ARHGAP42: variants seen among roughly 807,000 people sequenced by gnomAD.
The protein encoded by ARHGAP42 is Rho GTPase activating protein 42.
A neutral mutation model predicts 125.0 loss-of-function variants in ARHGAP42; 63 were observed. That is an observed-to-expected ratio of 0.50 (90% CI 0.41 to 0.62). The LOEUF (loss-of-function observed/expected upper bound fraction) is 0.62, where lower values mean the gene tolerates loss of function less well. ARHGAP42 is among the 20% of genes least tolerant of loss of function. The pLI is 0.00. For missense variants in ARHGAP42, 766 were observed against 1,024.2 expected (o/e 0.75, Z 3.44); for synonymous variants, 339 against 351.0 (o/e 0.97, Z 0.38).
chr11:100,985,110 A>G (rs1357816329), intron 22 of ARHGAP42, among the ~76,000 whole-genome samples: 1 of 152,140 alleles, frequency 6.6e-6, no homozygotes, highest in Non-Finnish European at 1.5e-5. Flanking sequence ...CCCTCCCTCA[A>G]CCAGTCCCAT....
At chr11:100,711,672 A>G (rs1861567688) in intron 1 of ARHGAP42, among the ~76,000 whole-genome samples, 1 of 152,226 alleles carries the variant, frequency 6.6e-6, no homozygotes, top group South Asian at 2.1e-4. Flanking sequence ...TTCTCAGTAA[A>G]CTTAAATTGG....
chr11:100,697,092 GA>G (rs1027440799), intron 1 of ARHGAP42, among the ~76,000 whole-genome samples: 9 of 151,918 alleles, frequency 5.9e-5, no homozygotes, highest in Admixed American at 5.2e-4. Context: ...CTTTACTCTG[GA>G]AAAAAGTAGG....
chr11:100,779,085 G>A (rs548337355), intron 2 of ARHGAP42, among the ~76,000 whole-genome samples: 26 of 152,176 alleles, frequency 1.7e-4, no homozygotes, highest in African/African-American at 5.8e-4. Flanking sequence ...AGCTGTAAAA[G>A]CTATTAAACT....
At chr11:100,749,303 G>T (rs772754813) in intron 1 of ARHGAP42, among the ~76,000 whole-genome samples, 2 of 151,212 alleles carry the variant, frequency 1.3e-5, no homozygotes, top group Non-Finnish European at 2.9e-5. Flanking sequence ...TGCCTTGCCT[G>T]CCCCAGAAGC....
At chr11:100,909,268 CT>C (rs894787142) in intron 4 of ARHGAP42, among the ~76,000 whole-genome samples, 32 of 149,798 alleles carry the variant, frequency 2.1e-4, no homozygotes, top group African/African-American at 7.8e-4. Context: ...GTTGCATTTG[CT>C]TTTGAGGTTT....
chr11:100,963,716 A>G (rs1858016716), intron 16 of ARHGAP42, among the ~76,000 whole-genome samples: 1 of 152,234 alleles, frequency 6.6e-6, no homozygotes, highest in Admixed American at 6.5e-5. Context: ...CAGAAAAAAT[A>G]TATAATCTGA....
chr11:100,946,060 A>G (rs773057696), intron 10 of ARHGAP42, among the ~76,000 whole-genome samples: 8 of 152,122 alleles, frequency 5.3e-5, no homozygotes, highest in Non-Finnish European at 1.2e-4. Flanking sequence ...AACTTGCTGC[A>G]GCTTCTACAT....
At chr11:100,962,015 C>T (rs1435324684) in intron 15 of ARHGAP42, among the ~76,000 whole-genome samples, 1 of 152,092 alleles carries the variant, frequency 6.6e-6, no homozygotes, top group Non-Finnish European at 1.5e-5. Flanking sequence ...TTTGTTGTCC[C>T]ATATGTATAT....
intron 1 of ARHGAP42, among the ~76,000 whole-genome samples, chr11:100,710,056 C>T (rs1042876595): frequency 6.6e-6 from 1 of 152,154 alleles, no homozygotes; most frequent in African/African-American, 2.4e-5. Flanking sequence ...TCAGGAACAA[C>T]TATTTTCAAA....
intron 1 of ARHGAP42, among the ~76,000 whole-genome samples, chr11:100,748,952 C>G (rs1009387408): frequency 6.6e-6 from 1 of 152,154 alleles, no homozygotes; most frequent in African/African-American, 2.4e-5. Flanking sequence ...GTCTCTTTCT[C>G]TCTGACTCCC....
At chr11:100,735,475 A>C (rs1275773443) in intron 1 of ARHGAP42, among the ~76,000 whole-genome samples, 1 of 152,164 alleles carries the variant, frequency 6.6e-6, no homozygotes, top group Non-Finnish European at 1.5e-5. Context: ...GGAAATAGGA[A>C]TAGGAAATCA....
At chr11:100,861,359 C>T (rs533638931) in intron 4 of ARHGAP42, among the ~76,000 whole-genome samples, 1 of 152,246 alleles carries the variant, frequency 6.6e-6, no homozygotes, top group Non-Finnish European at 1.5e-5. Context: ...ATAAATGACT[C>T]ACAGTATTTT....
intron 6 of ARHGAP42, among the ~76,000 whole-genome samples, chr11:100,925,501 G>T (rs1867394790): frequency 6.6e-6 from 1 of 152,014 alleles, no homozygotes; most frequent in South Asian, 2.1e-4. Context: ...ACTTTGGGAG[G>T]CTGAGGCAGG....
At chr11:100,963,942 A>C (rs1325275460) in intron 16 of ARHGAP42, among the ~76,000 whole-genome samples, 1 of 152,074 alleles carries the variant, frequency 6.6e-6, no homozygotes, top group Admixed American at 6.6e-5. Context: ...GTTTTAGTCA[A>C]GCTTTTGGTC....
chr11:100,990,110 TCAATAATTCTAATATATTA>T lies in ARHGAP42; in HGVS notation c.*1310_*1328del. 1 of 152,284 alleles carries T rather than the reference TCAATAATTCTAATATATTA, an allele frequency of 6.6e-6. No homozygotes were observed. 9.4% of individuals were successfully genotyped at this position (152,284 alleles called of 1,614,324 possible). ...GAACCATTAATTCTATATTTCTATT[TCAATAATTCTAATATATTA>T]TTTCTATAAATGTAATATCTGTATG... On this transcript the variant is annotated 3_prime_UTR_variant, in exon 24 of 24. Coordinates refer to ENST00000298815, the MANE Select transcript of ARHGAP42 (RefSeq NM_152432.4).
At chr11:100,960,334 A>G (rs891436221) in intron 13 of ARHGAP42, among the ~76,000 whole-genome samples, 10 of 151,576 alleles carry the variant, frequency 6.6e-5, no homozygotes, top group African/African-American at 1.2e-4. Flanking sequence ...TCACTGCCAC[A>G]GTTTTGGTAC....
At chr11:100,965,813 G>A (rs566286333) in intron 17 of ARHGAP42, 37 bp downstream of exon 17, 6 of 1,488,684 alleles carry the variant, frequency 4.0e-6, no homozygotes, top group South Asian at 1.2e-5. Context: ...TTAACTTATT[G>A]TTCATTGTTA....
At chr11:100,961,347 G>A (rs1440551010) in intron 14 of ARHGAP42, among the ~76,000 whole-genome samples, 3 of 152,046 alleles carry the variant, frequency 2.0e-5, no homozygotes, top group Non-Finnish European at 4.4e-5. Context: ...TAAAAATAGG[G>A]ATAATAATGG....
chr11:100,934,882 A>C (rs192073274), intron 7 of ARHGAP42, among the ~76,000 whole-genome samples: 1 of 152,362 alleles, frequency 6.6e-6, no homozygotes, highest in East Asian at 1.9e-4. Context: ...TAGCAGAATC[A>C]ATTTCACCTT....
Sources: allele counts gnomAD v4.1 joint callset (sites outside exome capture counted in the v4.1 genomes callset), GRCh38; gene constraint gnomAD v4.1.1; transcripts MANE v1.5; gene names NCBI Gene and HGNC (gene_info 2026-07-23, HGNC 2026-07-21).